The following SHANK2 variants were observed in gnomAD, a reference collection of about 807,000 sequenced individuals.
SHANK2 encodes the protein SH3 and multiple ankyrin repeat domains 2, also known as SH3 and multiple ankyrin repeat domains protein 2.
SHANK2 carries 43 observed loss-of-function variants against 133.7 expected under a neutral mutation model. The observed-to-expected ratio is 0.32, with a 90% confidence interval of 0.25 to 0.41. The LOEUF is 0.41. SHANK2 is among the 10% of genes least tolerant of loss of function. The pLI is 1.00. For synonymous variants in SHANK2, 1,017 were observed against 952.8 expected (o/e 1.07, Z -1.24); for missense variants, 1,994 against 2,235.8 (o/e 0.89, Z 2.18).
intron 2 of SHANK2, among the ~76,000 whole-genome samples, chr11:71,163,269 T>C (rs1953065412): frequency 6.6e-6 from 1 of 151,832 alleles, no homozygotes; most frequent in South Asian, 2.1e-4. Context: ...TTTGTCTACT[T>C]TTCTGTGTTT....
At chr11:70,720,423 C>T (rs1946050549) in intron 14 of SHANK2, among the ~76,000 whole-genome samples, 1 of 152,196 alleles carries the variant, frequency 6.6e-6, no homozygotes, top group South Asian at 2.1e-4. Flanking sequence ...GGAGGAATGT[C>T]CCTGGCATTC....
At chr11:71,180,116 G>A (rs1246237373) in intron 2 of SHANK2, among the ~76,000 whole-genome samples, 6 of 152,148 alleles carry the variant, frequency 3.9e-5, no homozygotes, top group African/African-American at 9.7e-5. Context: ...TGAATTTCCC[G>A]GGGACAAATG....
chr11:70,852,387 G>A (rs577905551), intron 11 of SHANK2, among the ~76,000 whole-genome samples: 54 of 152,312 alleles, frequency 3.5e-4, no homozygotes, highest in African/African-American at 1.2e-3. Context: ...GGGGCTCCAC[G>A]GGGCCTGCAA....
chr11:70,531,319 C>T (rs1287247262), intron 17 of SHANK2, among the ~76,000 whole-genome samples: 1 of 152,240 alleles, frequency 6.6e-6, no homozygotes, highest in African/African-American at 2.4e-5. Context: ...CCTTTGCATC[C>T]ATCTGTGCTG....
chr11:70,825,921 AT>A (rs567037830), intron 11 of SHANK2, among the ~76,000 whole-genome samples: 24 of 152,108 alleles, frequency 1.6e-4, no homozygotes, highest in East Asian at 3.9e-4. Flanking sequence ...TTATTTATAC[AT>A]TTTTTTCCCC....
intron 9 of SHANK2, among the ~76,000 whole-genome samples, chr11:71,057,747 A>C (rs36190436): frequency 0.62 from 93,634 of 150,358 alleles, 30,983 homozygotes; most frequent in African/African-American, 0.86. Context: ...CAGGGTCTCA[A>C]TATATTGCCC....
rs1421985077 is a variant in SHANK2, at chr11:70,500,692, G to A, written c.2288-102C>T. The A allele has an allele frequency of 8.6e-6, 13 of 1,504,944 alleles. No homozygotes were observed. Among genetic ancestry groups the A allele is most frequent in the Non-Finnish European group, 9.1e-6 (10 of 1,103,904 alleles). The allele number at this position is 1,504,944 out of a possible 1,614,324, so 93.2% of individuals were successfully genotyped here. A position where few individuals can be genotyped will look rare whatever the true frequency, so the allele number is the denominator to read the frequency against. Reference sequence around the variant, plus strand: ...GCTCAGGGCGCCTCAGGAGCAGGCTGGGCCGGCAATGGGGCGGCAGGCAGG... The same window carrying A: ...GCTCAGGGCGCCTCAGGAGCAGGCTAGGCCGGCAATGGGGCGGCAGGCAGG... On this transcript the variant is annotated intron_variant, in intron 20 of 25. Transcript: ENST00000601538. The surrounding 1 kb of genome is among the most constrained non-coding windows in gnomAD (Gnocchi z 4.5).
chr11:70,638,155 C>T (rs1281099889), intron 17 of SHANK2, among the ~76,000 whole-genome samples: 3 of 152,160 alleles, frequency 2.0e-5, no homozygotes, highest in Non-Finnish European at 2.9e-5. Context: ...ATACACTAAT[C>T]GTCACTGCAC....
At chr11:70,712,890 A>C (rs1555026486) in intron 14 of SHANK2, among the ~76,000 whole-genome samples, 1 of 152,086 alleles carries the variant, frequency 6.6e-6, no homozygotes, top group East Asian at 1.9e-4. Flanking sequence ...CCATAGTTCC[A>C]CTTGTTCCCA....
chr11:70,924,237 C>A (rs1239879268), intron 10 of SHANK2, among the ~76,000 whole-genome samples: 1 of 152,168 alleles, frequency 6.6e-6, no homozygotes, highest in Non-Finnish European at 1.5e-5. Flanking sequence ...CCGGCCTGAC[C>A]TGCCATATTG....
chr11:71,114,646 A>T (rs537354449), intron 4 of SHANK2, among the ~76,000 whole-genome samples: 3 of 152,158 alleles, frequency 2.0e-5, no homozygotes, highest in Non-Finnish European at 4.4e-5. Flanking sequence ...TTCATTTCCC[A>T]GAACAGAGCA....
Position 70,934,811 on chromosome 11 carries a change from C to T in SHANK2, c.1108-38244G>A, listed in dbSNP as rs1555083191. Among the ~76,000 whole-genome samples the T allele has an allele frequency of 3.9e-5, 6 of 152,290 alleles. No individual in the cohort carries two copies. The South Asian group carries it at 1.0e-3, about 26-fold the overall frequency. On this transcript the variant is annotated intron_variant, in intron 10 of 25. Coordinates refer to ENST00000601538, the MANE Select transcript of SHANK2 (RefSeq NM_012309.5). ...TTTTCCTCCCAGAGACCAGTGTGGC[C>T]GTTCAAAGAGGAGGACCTCCTTGCT...
chr11:70,491,496 T>C (rs912962814), intron 22 of SHANK2, among the ~76,000 whole-genome samples: 2 of 152,244 alleles, frequency 1.3e-5, no homozygotes, highest in African/African-American at 4.8e-5. Flanking sequence ...GTAACTGTAA[T>C]TATTAACAGT....
chr11:71,220,341 T>C (rs2135725916), intron 2 of SHANK2, among the ~76,000 whole-genome samples: 1 of 152,266 alleles, frequency 6.6e-6, no homozygotes, highest in Middle Eastern at 3.4e-3. Flanking sequence ...TGTAAAATAG[T>C]ATAACCGCTG....
chr11:70,694,934 G>A (rs1945360951), intron 15 of SHANK2, among the ~76,000 whole-genome samples: 1 of 152,152 alleles, frequency 6.6e-6, no homozygotes, highest in African/African-American at 2.4e-5. Context: ...ACCCTGCCAT[G>A]CTAATAGGTT....
chr11:71,177,463 A>G (rs1473763350), intron 2 of SHANK2, among the ~76,000 whole-genome samples: 1 of 152,206 alleles, frequency 6.6e-6, no homozygotes, highest in Non-Finnish European at 1.5e-5. Flanking sequence ...CTTGATGATA[A>G]AAGTGTAGTA....
intron 12 of SHANK2, among the ~76,000 whole-genome samples, chr11:70,811,609 A>G (rs1948280524): frequency 6.8e-6 from 1 of 146,812 alleles, no homozygotes; most frequent in Non-Finnish European, 1.5e-5. Context: ...CCATCCACTC[A>G]TCATCTACCT....
chr11:71,197,902 A>C (rs1555116454), intron 2 of SHANK2, among the ~76,000 whole-genome samples: 1 of 152,164 alleles, frequency 6.6e-6, no homozygotes, highest in Non-Finnish European at 1.5e-5. Context: ...AAAGAGTCTT[A>C]ATCACCAACC....
intron 2 of SHANK2, among the ~76,000 whole-genome samples, chr11:71,201,256 G>C (rs1954014247): frequency 6.6e-6 from 1 of 152,224 alleles, no homozygotes; most frequent in African/African-American, 2.4e-5. Context: ...GTGGAAATCT[G>C]AGGCACTGCA....
Sources: allele counts gnomAD v4.1 joint callset (sites outside exome capture counted in the v4.1 genomes callset), GRCh38; gene constraint gnomAD v4.1.1; non-coding constraint Gnocchi (gnomAD v3.1); transcripts MANE v1.5; gene names NCBI Gene and HGNC (gene_info 2026-07-23, HGNC 2026-07-21).